KISS1R: variants seen among roughly 807,000 people sequenced by gnomAD.
The protein encoded by KISS1R is kiSS-1 receptor.
In KISS1R, 19 loss-of-function variants were observed where a neutral mutation model predicts 22.0. The observed-to-expected ratio is 0.86, with a 90% CI of 0.60 to 1.26. The LOEUF (loss-of-function observed/expected upper bound fraction) is 1.26. KISS1R is among the 50% of genes most tolerant of loss of function. The pLI is 0.00. For missense variants in KISS1R, 653 were observed against 581.9 expected, an observed-to-expected ratio of 1.12 and a Z score of -1.26; for synonymous variants, 302 against 283.9, an observed-to-expected ratio of 1.06 and a Z score of -0.64.
In KISS1R at chr19:920,836, C is replaced by T. The variant is rs923564390; in HGVS notation, c.*88C>T. 2 of 1,223,510 alleles carry T rather than the reference C, an allele frequency of 1.6e-6. No homozygotes were observed. Among genetic ancestry groups the T allele is most frequent in the Non-Finnish European group, 1.0e-6 (1 of 981,124 alleles). The allele number at this position is 1,223,510 out of a possible 1,614,324, so 75.8% of individuals were successfully genotyped here. A position where few individuals can be genotyped will look rare whatever the true frequency, so the allele number is the denominator to read the frequency against. ...TCTTCTGTTATTAGTATTTTTCTTACTGTCCAAGATCAACTGTGGAAATAT... is the reference window on the plus strand; with the variant it reads ...TCTTCTGTTATTAGTATTTTTCTTATTGTCCAAGATCAACTGTGGAAATAT... On this transcript the variant is annotated 3_prime_UTR_variant, in exon 5 of 5. Coordinates refer to ENST00000234371, the MANE Select transcript of KISS1R (RefSeq NM_032551.5).
Position 920,039 on chromosome 19 carries a change from A to G in KISS1R, c.671A>G (p.Tyr224Cys). Residue 224 changes from tyrosine (Y) to cysteine (C), a missense_variant, in exon 4 of 5, where the codon TAT becomes TGT. Transcript: ENST00000234371. The part of the protein sequence containing the change: ...LLPLLATCAC[Y>C]AAMLRHLGRV... The stretch of plus-strand genomic sequence containing the variant: ...CCGCTGCTCGCCACCTGCGCCTGCT[A>G]TGCGGCCATGCTGCGCCACCTGGGC... 2.0e-6 allele frequency: 3 copies of G among 1,537,592 alleles called. No individual in the cohort carries two copies. The highest frequency in any genetic ancestry group is 1.2e-5 in the South Asian group (1 of 83,926).
chr19:918,405 TGGGGGA>T, intron 1 of KISS1R, 133 bp from the exon 2 acceptor site: 10 of 821,994 alleles, frequency 1.2e-5, no homozygotes, highest in Non-Finnish European at 1.7e-5. Flanking sequence ...CCAGGGGCGC[TGGGGGA>T]GGGGGGGGCC....
chr19:918,772 C>A, intron 2 of KISS1R, 104 bp downstream of exon 2: 1 of 1,001,066 alleles, frequency 1.0e-6, no homozygotes, highest in Non-Finnish European at 1.3e-6. Flanking sequence ...CGGGAGTGCG[C>A]TCCGCAGTGG....
intron 3 of KISS1R, 32 bp from the exon 4 acceptor site, chr19:919,842 G>A (rs998859434): frequency 6.5e-7 from 1 of 1,531,726 alleles, no homozygotes; most frequent in Admixed American, 2.0e-5. Context: ...CTGGTTCCCC[G>A]AGCGGGGTCT....
chr19:918,770 C>T, intron 2 of KISS1R, 102 bp downstream of exon 2: 1 of 704,594 alleles, frequency 1.4e-6, no homozygotes, highest in Non-Finnish European at 1.9e-6. Context: ...GGCGGGAGTG[C>T]GCTCCGCAGT....
At chr19:918,979 C>T (rs1375112222) in intron 2 of KISS1R, among the ~76,000 whole-genome samples, 5 of 32,072 alleles carry the variant, frequency 1.6e-4, no homozygotes, top group Admixed American at 4.7e-4. Flanking sequence ...GGATGAGCTC[C>T]GGAGCGGGGG....
At chr19:918,322 G>A (rs928252701) in intron 1 of KISS1R, among the ~76,000 whole-genome samples, 9 of 151,948 alleles carry the variant, frequency 5.9e-5, no homozygotes, top group Admixed American at 5.9e-4. Flanking sequence ...CAGGAAATCC[G>A]AGCCGGAGGC....
chr19:919,045 G>C (rs1170582074), intron 2 of KISS1R, among the ~76,000 whole-genome samples: 1 of 151,188 alleles, frequency 6.6e-6, no homozygotes, highest in Non-Finnish European at 1.5e-5. Flanking sequence ...GACCTTGGGC[G>C]GGGCGCGAGG....
chr19:917,517 T>C lies in KISS1R; in HGVS notation c.15T>C (p.Ala5=). MHTV[A]TSGPNASWGA... is the part of the protein sequence containing the mutation. ...TGCGCGCGGCCATGCACACCGTGGC[T>C]ACGTCCGGACCCAACGCGTCCTGGG... The change falls in exon 1 of 5, where the codon GCT becomes GCC. Residue 5 remains alanine, a synonymous_variant. Coordinates refer to ENST00000234371, the MANE Select transcript of KISS1R (RefSeq NM_032551.5). 1 of 1,492,600 alleles carries C rather than the reference T, an allele frequency of 6.7e-7. No individual in the cohort carries two copies. The highest frequency in any genetic ancestry group is 8.9e-7 in the Non-Finnish European group (1 of 1,126,794). 92.5% of individuals were successfully genotyped at this position (1,492,600 alleles called of 1,614,324 possible).
chr19:917,946 C>T (rs1477083617), intron 1 of KISS1R, among the ~76,000 whole-genome samples, 200 bp downstream of exon 1: 1 of 152,170 alleles, frequency 6.6e-6, no homozygotes, highest in Non-Finnish European at 1.5e-5. Context: ...GCGGGCGGGC[C>T]CGGGCGGGCC....
chr19:917,562 C>T lies in KISS1R; in HGVS notation c.60C>T (p.Ser20=). The T allele has an allele frequency of 4.6e-6, 7 of 1,528,086 alleles. No homozygotes were observed. The highest frequency in any genetic ancestry group is 3.6e-5 in the South Asian group (3 of 82,882). 94.7% of individuals were successfully genotyped at this position (1,528,086 alleles called of 1,614,324 possible). The part of the protein sequence containing the change: ...NASWGAPANA[S]GCPGCGANAS... Reference sequence around the variant, plus strand: ...CCTGGGGGGCACCGGCCAACGCCTCCGGCTGCCCGGGCTGTGGCGCCAACG... The same window carrying T: ...CCTGGGGGGCACCGGCCAACGCCTCTGGCTGCCCGGGCTGTGGCGCCAACG... Residue 20 remains serine (S), a synonymous_variant, in exon 1 of 5, where the codon TCC becomes TCT. Coordinates refer to ENST00000234371, the MANE Select transcript of KISS1R (RefSeq NM_032551.5).
At position 919,476 on chromosome 19, in the gene KISS1R, G is replaced by A; in HGVS notation, c.370-14G>A. 1.3e-6 allele frequency: 2 copies of A among 1,543,904 alleles called. No homozygotes were observed. Among genetic ancestry groups the A allele is most frequent in the Non-Finnish European group, 8.7e-7 (1 of 1,151,056 alleles). ...CGCGCAGGTGGCCACACGCCCGGCT[G>A]GCGGCTCCCGCAGGTCTCGGTGCAG... is the stretch of plus-strand genomic sequence containing the variant. On this transcript the variant is annotated splice_polypyrimidine_tract_variant and intron_variant, in intron 2 of 4. Coordinates refer to ENST00000234371, the MANE Select transcript of KISS1R (RefSeq NM_032551.5).
At position 918,531 on chromosome 19, in the gene KISS1R, A is replaced by T. The variant is rs1366362501; in HGVS notation, c.245-13A>T. The T allele has an allele frequency of 6.5e-7, 1 of 1,545,810 alleles. No individual in the cohort carries two copies. The highest frequency in any genetic ancestry group is 1.2e-5 in the South Asian group (1 of 84,050). On this transcript the variant is annotated splice_polypyrimidine_tract_variant and intron_variant, in intron 1 of 4. Transcript: ENST00000234371. ...TGGCGCCCACGCCCAGCGCCCGCGCATCCCCACCGCAGCCAACCTGGCGGC... is the reference window on the plus strand; with the variant it reads ...TGGCGCCCACGCCCAGCGCCCGCGCTTCCCCACCGCAGCCAACCTGGCGGC...
At chr19:918,515 C>G in intron 1 of KISS1R, 29 bp from the exon 2 acceptor site, 13 of 1,540,554 alleles carry the variant, frequency 8.4e-6, no homozygotes, top group Non-Finnish European at 1.1e-5. Flanking sequence ...GTGGCGCCCA[C>G]GCCCAGCGCC....
rs1375596959 is a variant in KISS1R, at chr19:918,617, C to T, written c.318C>T (p.Pro106=). 10 of 1,551,342 alleles carry T rather than the reference C, an allele frequency of 6.4e-6. No homozygotes were observed. In the East Asian group the frequency reaches 1.2e-4, roughly 19 times the overall value. The part of the protein sequence containing the change: ...VPFTALLYPL[P]GWVLGDFMCK... ...TCACGGCCCTGCTGTACCCGCTGCC[C>T]GGCTGGGTGCTGGGCGACTTCATGT... is the stretch of plus-strand genomic sequence containing the variant. Residue 106 remains proline, a synonymous_variant, in exon 2 of 5, where the codon CCC becomes CCT. Transcript: ENST00000234371.
At chr19:919,822 T>C (rs2037099392) in intron 3 of KISS1R, 52 bp from the exon 4 acceptor site, 3 of 1,515,264 alleles carry the variant, frequency 2.0e-6, no homozygotes, top group East Asian at 2.5e-5. Context: ...GGGAGGCACG[T>C]GGGGGACCGC....
At position 917,459 on chromosome 19, in the gene KISS1R, G is replaced by A. The variant is rs2037064985; in HGVS notation, c.-44G>A. Reference sequence around the variant, plus strand: ...GAGGGGTCCCCGGGGCGGTGCCAGGGCGCAATCCTGGAGGGCGGCCGGGAG... The same window carrying A: ...GAGGGGTCCCCGGGGCGGTGCCAGGACGCAATCCTGGAGGGCGGCCGGGAG... On this transcript the variant is annotated 5_prime_UTR_variant, in exon 1 of 5. Coordinates refer to ENST00000234371, the MANE Select transcript of KISS1R (RefSeq NM_032551.5). 3 of 1,408,574 alleles carry A rather than the reference G, an allele frequency of 2.1e-6. No homozygotes were observed. Among genetic ancestry groups the A allele is most frequent in the South Asian group, 1.5e-5 (1 of 65,120 alleles). 87.3% of individuals were successfully genotyped at this position (1,408,574 alleles called of 1,614,324 possible). A position where few individuals can be genotyped will look rare whatever the true frequency, so the allele number is the denominator to read the frequency against.
Position 920,751 on chromosome 19 carries a change from G to T in KISS1R, c.*3G>T. On this transcript the variant is annotated 3_prime_UTR_variant, in exon 5 of 5. Coordinates refer to ENST00000234371, the MANE Select transcript of KISS1R (RefSeq NM_032551.5). ...GGGAGGACAACGCCCCTCTCTGAGC[G>T]GACCCGGTGGGAATCCGAGCGGCTC... 7.8e-7 allele frequency: 1 copy of T among 1,276,946 alleles called. No homozygotes were observed. The highest frequency in any genetic ancestry group is 2.9e-5 in the East Asian group (1 of 34,004). The allele number at this position is 1,276,946 out of a possible 1,614,324, so 79.1% of individuals were successfully genotyped here. A position where few individuals can be genotyped will look rare whatever the true frequency, so the allele number is the denominator to read the frequency against.
chr19:920,245 C>G (rs780752914), intron 4 of KISS1R, 45 bp from the exon 5 acceptor site: 6 of 1,545,946 alleles, frequency 3.9e-6, no homozygotes, highest in Non-Finnish European at 5.2e-6. Flanking sequence ...TGAGCTGAGC[C>G]GGGCCCCAGC....
Sources: allele counts gnomAD v4.1 joint callset (sites outside exome capture counted in the v4.1 genomes callset), GRCh38; gene constraint gnomAD v4.1.1; transcripts MANE v1.5; gene names NCBI Gene and HGNC (gene_info 2026-07-23, HGNC 2026-07-21).